Variants in KAT6A observed in about 807,000 individuals in gnomAD.
KAT6A encodes lysine acetyltransferase 6A, also known as histone acetyltransferase KAT6A.
KAT6A carries 9 observed loss-of-function variants against 198.4 expected under a neutral mutation model. The observed-to-expected ratio is 0.05, with a 90% confidence interval of 0.03 to 0.08. The LOEUF is 0.08. KAT6A is among the 10% of genes least tolerant of loss of function. KAT6A has a pLI of 1.00. For missense variants in KAT6A, 2,077 were observed against 2,509.9 expected, an observed-to-expected ratio of 0.83 and a Z score of 3.69; for synonymous variants, 890 against 883.0, an observed-to-expected ratio of 1.01 and a Z score of -0.14.
At chr8:42,007,989 T>TAAAAAAAAA (rs1564061372) in intron 2 of KAT6A, among the ~76,000 whole-genome samples, 12 of 121,610 alleles carry the variant, frequency 9.9e-5, no homozygotes, top group African/African-American at 3.5e-4. Flanking sequence ...AAAAAAAAAT[T>TAAAAAAAAA]TTTATTGTTA....
At chr8:42,015,194 T>A (rs1366732099) in intron 2 of KAT6A, among the ~76,000 whole-genome samples, 1 of 152,230 alleles carries the variant, frequency 6.6e-6, no homozygotes, top group South Asian at 2.1e-4. Flanking sequence ...TGTGGTCTCA[T>A]GCCCCTTCTG....
chr8:41,981,098 T>A (rs368502218), intron 4 of KAT6A, among the ~76,000 whole-genome samples, 171 bp from the exon 5 acceptor site: 2 of 152,126 alleles, frequency 1.3e-5, no homozygotes, highest in East Asian at 1.9e-4. Context: ...GGCGGGTGGA[T>A]CATGAGGTCA....
At position 41,930,406 on chromosome 8, in the gene KAT6A, A is replaced by G. The variant is rs1198028065; in HGVS notation, c.*1799T>C. 1.3e-5 allele frequency: 3 copies of G among 226,436 alleles called. No homozygotes were observed. The highest frequency in any genetic ancestry group is 4.5e-5 in the African/African-American group (2 of 44,876). The allele number at this position is 226,436 out of a possible 1,614,324, so 14.0% of individuals were successfully genotyped here. A position where few individuals can be genotyped will look rare whatever the true frequency, so the allele number is the denominator to read the frequency against. ...AGCCTTGCACATGCTCAGAGCTGAG[A>G]GCGGGAAGATGTGGAATTCTGCGTT... On this transcript the variant is annotated 3_prime_UTR_variant, in exon 17 of 17. Transcript: ENST00000265713.
chr8:42,008,482 C>T (rs777900435), intron 2 of KAT6A, among the ~76,000 whole-genome samples: 1 of 152,066 alleles, frequency 6.6e-6, no homozygotes, highest in Non-Finnish European at 1.5e-5. Context: ...GGATTACAGG[C>T]GTGCACCACC....
At chr8:41,994,828 C>G (rs1188860448) in intron 2 of KAT6A, among the ~76,000 whole-genome samples, 5 of 152,050 alleles carry the variant, frequency 3.3e-5, no homozygotes, top group Non-Finnish European at 7.4e-5. Flanking sequence ...GAGGCTGAGG[C>G]AGGTGGATCA....
At chr8:41,956,841 T>C (rs1822943486) in intron 8 of KAT6A, among the ~76,000 whole-genome samples, 2 of 152,266 alleles carry the variant, frequency 1.3e-5, no homozygotes, top group South Asian at 4.1e-4. Flanking sequence ...AAACAGAACT[T>C]TGTAAAAAGA....
rs750902324 is a variant in KAT6A, at chr8:41,933,912, G to A, written c.4308C>T (p.Ser1436=). 3 of 1,614,094 alleles carry A rather than the reference G, an allele frequency of 1.9e-6. No individual in the cohort carries two copies. Among genetic ancestry groups the A allele is most frequent in the South Asian group, 2.2e-5 (2 of 91,082 alleles). Residue 1436 remains serine, a synonymous_variant, in exon 17 of 17, where the codon AGC becomes AGT. Transcript: ENST00000265713. This position sits in a 1 kb window ranked among gnomAD's most constrained non-coding sequence, Gnocchi z 6.2. The stretch of plus-strand genomic sequence containing the variant: ...CCTGGTAGGCGCCCTCATGCTCACT[G>A]CTTTCTTCTTGAGTCAAAGACTGCA... ...QAVQSLTQEE[S]SEHEGAYQDC...
chr8:42,008,740 T>C (rs1408743627), intron 2 of KAT6A, among the ~76,000 whole-genome samples: 1 of 152,104 alleles, frequency 6.6e-6, no homozygotes, highest in African/African-American at 2.4e-5. Context: ...TGTTGTCCAA[T>C]ACTGTAACCA....
At chr8:42,006,932 G>A (rs1825778744) in intron 2 of KAT6A, among the ~76,000 whole-genome samples, 1 of 142,136 alleles carries the variant, frequency 7.0e-6, no homozygotes, top group Non-Finnish European at 1.5e-5. Context: ...GGAGGCAGAG[G>A]TTGCAGTGAG....
chr8:42,045,699 G>A (rs1280842825), intron 2 of KAT6A, among the ~76,000 whole-genome samples: 1 of 151,604 alleles, frequency 6.6e-6, no homozygotes, highest in Admixed American at 6.6e-5. Context: ...GTGGCCAGGT[G>A]CGGTGGATCA....
chr8:42,025,258 C>A (rs1826749829), intron 2 of KAT6A, among the ~76,000 whole-genome samples: 1 of 151,962 alleles, frequency 6.6e-6, no homozygotes, highest in Admixed American at 6.6e-5. Flanking sequence ...GTTGCCCAGG[C>A]TGGAGTGCAG....
At chr8:41,992,965 T>C (rs1189708205) in intron 2 of KAT6A, among the ~76,000 whole-genome samples, 1 of 152,124 alleles carries the variant, frequency 6.6e-6, no homozygotes, top group Non-Finnish European at 1.5e-5. Flanking sequence ...CAAACATGTG[T>C]CTTTATCATC....
At chr8:41,953,725 C>T (rs1822780941) in intron 9 of KAT6A, among the ~76,000 whole-genome samples, 1 of 152,114 alleles carries the variant, frequency 6.6e-6, no homozygotes, top group African/African-American at 2.4e-5. Context: ...CTGCCTATCT[C>T]GGCCTCCCAA....
intron 8 of KAT6A, chr8:41,957,693 G>A (rs1265556318): frequency 1.2e-5 from 2 of 169,468 alleles, no homozygotes; most frequent in South Asian, 1.3e-4. Context: ...GTAGCAAGGG[G>A]GTGGATTAAA....
intron 15 of KAT6A, among the ~76,000 whole-genome samples, chr8:41,939,609 T>C (rs1396177791): frequency 6.6e-5 from 10 of 152,332 alleles, no homozygotes; most frequent in Admixed American, 6.5e-4. Context: ...TTTACCTCTA[T>C]GGTCTTCCTC....
intron 8 of KAT6A, among the ~76,000 whole-genome samples, chr8:41,970,000 C>T (rs1823701909): frequency 6.6e-6 from 1 of 152,182 alleles, no homozygotes; most frequent in Non-Finnish European, 1.5e-5. Flanking sequence ...CAACCCCAAC[C>T]CTCAGCAAGG....
At chr8:41,935,009 T>A in intron 16 of KAT6A, 142 bp from the exon 17 acceptor site, 1 of 721,500 alleles carries the variant, frequency 1.4e-6, no homozygotes, top group Non-Finnish European at 2.3e-6. Flanking sequence ...ATTTTAAAGT[T>A]AAGAACCTAG....
intron 8 of KAT6A, among the ~76,000 whole-genome samples, chr8:41,963,266 C>A (rs1209359258): frequency 6.6e-6 from 1 of 152,148 alleles, no homozygotes; most frequent in Non-Finnish European, 1.5e-5. Flanking sequence ...GGTAACACAG[C>A]AAATCTCCCA....
chr8:42,051,330 C>T (rs776450163), intron 1 of KAT6A, among the ~76,000 whole-genome samples: 214 of 151,990 alleles, frequency 1.4e-3, no homozygotes, highest in Non-Finnish European at 2.2e-3. Flanking sequence ...ACCCGCCGGC[C>T]TGTCAGCCCC....
Sources: gnomAD v4.1 joint callset for allele counts (sites outside exome capture counted in the v4.1 genomes callset) on GRCh38, gnomAD v4.1.1 for gene constraint, Gnocchi (gnomAD v3.1) non-coding constraint, MANE v1.5 for transcripts, NCBI Gene and HGNC (gene_info 2026-07-23, HGNC 2026-07-21) for gene names.